Variants in KIF5C observed in about 807,000 individuals in gnomAD.
The protein encoded by KIF5C is kinesin heavy chain isoform 5C.
Under a neutral mutation model 125.2 loss-of-function variants are expected in KIF5C, and 18 were observed. The ratio of observed to expected loss-of-function variants is 0.14; its 90% confidence interval spans 0.10 to 0.21. The LOEUF is 0.21. Among genes scored for constraint, KIF5C ranks in the 10% least tolerant of loss-of-function variants. The pLI, the probability that KIF5C is intolerant of heterozygous loss-of-function variation, is 1.00. For missense variants in KIF5C, 780 were observed against 1,183.8 expected, an observed-to-expected ratio of 0.66 and a Z score of 5.01; for synonymous variants, 405 against 434.0, an observed-to-expected ratio of 0.93 and a Z score of 0.83.
At chr2:148,888,175 C>G (rs1420171371) in intron 1 of KIF5C, 1 of 152,218 alleles carries the variant, frequency 6.6e-6, no homozygotes, top group African/African-American at 2.4e-5. Context: ...CCCCAGTCGC[C>G]GGCCCCGGGA....
At chr2:148,944,639 T>A (rs960878847) in intron 7 of KIF5C, among the ~76,000 whole-genome samples, 2 of 152,226 alleles carry the variant, frequency 1.3e-5, no homozygotes, top group African/African-American at 4.8e-5. Flanking sequence ...TGATTTCAAT[T>A]CTTTTGAGTA....
intron 1 of KIF5C, among the ~76,000 whole-genome samples, chr2:148,919,834 G>A (rs895307575): frequency 1.3e-5 from 2 of 152,078 alleles, no homozygotes; most frequent in African/African-American, 2.4e-5. Flanking sequence ...ACTACATAAC[G>A]TGTTAATCCT....
intron 14 of KIF5C, among the ~76,000 whole-genome samples, chr2:148,982,788 T>C (rs1681271490): frequency 6.6e-6 from 1 of 152,244 alleles, no homozygotes; most frequent in Admixed American, 6.5e-5. Flanking sequence ...TTTTTCATAA[T>C]ACAGTTTTTA....
chr2:148,919,346 G>A (rs936642306), intron 1 of KIF5C, among the ~76,000 whole-genome samples: 3 of 152,196 alleles, frequency 2.0e-5, no homozygotes, highest in African/African-American at 7.2e-5. Flanking sequence ...ACCTGGAAGG[G>A]ACTCGTGTCT....
intron 25 of KIF5C, among the ~76,000 whole-genome samples, chr2:149,021,040 T>G (rs1300243530): frequency 6.6e-6 from 1 of 152,160 alleles, no homozygotes; most frequent in African/African-American, 2.4e-5. Flanking sequence ...TATTTTTTCT[T>G]GTCAGTGAAG....
At chr2:148,897,982 G>A (rs1680735368) in intron 1 of KIF5C, among the ~76,000 whole-genome samples, 1 of 150,402 alleles carries the variant, frequency 6.6e-6, no homozygotes, top group Non-Finnish European at 1.5e-5. Context: ...TCCAGGGAGA[G>A]GTGGTGCTGG....
chr2:148,930,950 C>A (rs1407749297), intron 3 of KIF5C, among the ~76,000 whole-genome samples: 5 of 152,176 alleles, frequency 3.3e-5, no homozygotes, highest in African/African-American at 1.2e-4. Context: ...AGGCCCCCGA[C>A]TCTTGACCTT....
In KIF5C at chr2:149,025,700, A is replaced by C. The variant is rs1682668628; in HGVS notation, c.*2630A>C. On this transcript the variant is annotated 3_prime_UTR_variant, in exon 26 of 26. Coordinates refer to ENST00000435030, the MANE Select transcript of KIF5C (RefSeq NM_004522.3). ...AGAGAACAGCCAGATGGTTTATATG[A>C]ATAATCTTTATCTGCAGGATGGTGG... The C allele has an allele frequency of 6.6e-6, 1 of 152,240 alleles. No homozygotes were observed. The highest frequency in any genetic ancestry group is 6.5e-5 in the Admixed American group (1 of 15,286). 9.4% of individuals were successfully genotyped at this position (152,240 alleles called of 1,614,324 possible).
At chr2:149,008,987 T>A (rs1301040134) in intron 23 of KIF5C, among the ~76,000 whole-genome samples, 1 of 149,076 alleles carries the variant, frequency 6.7e-6, no homozygotes, top group Non-Finnish European at 1.5e-5. Flanking sequence ...TTGTTTTTTT[T>A]AATGTTTTTT....
intron 1 of KIF5C, among the ~76,000 whole-genome samples, chr2:148,918,514 T>G (rs944871931): frequency 1.3e-5 from 2 of 152,196 alleles, no homozygotes; most frequent in African/African-American, 2.4e-5. Context: ...CCTAGGACCA[T>G]GAAAACTTTC....
At chr2:148,953,490 C>T (rs1046976614) in intron 10 of KIF5C, among the ~76,000 whole-genome samples, 1 of 152,216 alleles carries the variant, frequency 6.6e-6, no homozygotes, top group Non-Finnish European at 1.5e-5. Context: ...CCCAATTATA[C>T]AGCAGACACA....
At chr2:148,921,241 C>T (rs962071233) in intron 1 of KIF5C, among the ~76,000 whole-genome samples, 27 of 152,314 alleles carry the variant, frequency 1.8e-4, no homozygotes, top group African/African-American at 5.8e-4. Context: ...GAAACACACA[C>T]ATTTGAGCAT....
At position 148,910,659 on chromosome 2, in the gene KIF5C, T is replaced by C. The variant is rs901581930; in HGVS notation, c.127-11478T>C. On this transcript the variant is annotated intron_variant, in intron 1 of 25. Transcript: ENST00000435030. Reference sequence around the variant, plus strand: ...GTAGAGAAGGACATTCCTGTGGGGATTGGTAGGTCTGCTGTTGCACTAGGG... The same window carrying C: ...GTAGAGAAGGACATTCCTGTGGGGACTGGTAGGTCTGCTGTTGCACTAGGG... Among the ~76,000 whole-genome samples the C allele has an allele frequency of 5.3e-5, 8 of 152,226 alleles. No individual in the cohort carries two copies. The East Asian group carries it at 5.8e-4, about 11-fold the overall frequency.
intron 1 of KIF5C, among the ~76,000 whole-genome samples, chr2:148,899,265 T>C (rs1299029930): frequency 6.6e-6 from 1 of 152,240 alleles, no homozygotes; most frequent in Non-Finnish European, 1.5e-5. Flanking sequence ...GTTTCAAGAC[T>C]ACTTGCTGCT....
chr2:148,926,705 C>T lies in KIF5C; in HGVS notation c.218-2576C>T, dbSNP rs1386391015. 2.0e-5 allele frequency among the ~76,000 whole-genome samples: 3 copies of T among 152,278 alleles called. No homozygotes were observed. In the East Asian group the frequency reaches 5.8e-4, roughly 29 times the overall value. Reference sequence around the variant, plus strand: ...AAACATAGACTGAGCAAACAAACAACAAACAGAAAAGAAGCCCCCAAAACC... The same window carrying T: ...AAACATAGACTGAGCAAACAAACAATAAACAGAAAAGAAGCCCCCAAAACC... On this transcript the variant is annotated intron_variant, in intron 2 of 25. Transcript: ENST00000435030.
intron 2 of KIF5C, among the ~76,000 whole-genome samples, chr2:148,926,830 C>G (rs548459840): frequency 2.4e-4 from 36 of 152,324 alleles, no homozygotes; most frequent in Non-Finnish European, 4.4e-4. Flanking sequence ...GACGTCGGCT[C>G]CCTTCGACCT....
At position 149,026,112 on chromosome 2, in the gene KIF5C, T is replaced by G. The variant is rs1270767232; in HGVS notation, c.*3042T>G. 3 of 152,676 alleles carry G rather than the reference T, an allele frequency of 2.0e-5. No individual in the cohort carries two copies. The East Asian group carries it at 5.8e-4, about 29-fold the overall frequency. The allele number at this position is 152,676 out of a possible 1,614,324, so 9.5% of individuals were successfully genotyped here. On this transcript the variant is annotated 3_prime_UTR_variant, in exon 26 of 26. Transcript: ENST00000435030. ...TTCTTAACAATCCCCTCTTTCGAAG[T>G]GCATTTTTTTAAAGCAGGGCAGGAG...
Position 148,952,770 on chromosome 2 carries a change from T to C in KIF5C, c.968+2308T>C, listed in dbSNP as rs763557630. On this transcript the variant is annotated intron_variant, in intron 10 of 25. Transcript: ENST00000435030. ...AGGATTATATGAGTTGCTTCAGTTT[T>C]TACCTAGCACAAGGGCTGGCATGAG... Among the ~76,000 whole-genome samples, 7 of 152,312 alleles carry C rather than the reference T, an allele frequency of 4.6e-5. No individual in the cohort carries two copies. In the East Asian group the frequency reaches 1.2e-3, roughly 25 times the overall value.
intron 15 of KIF5C, among the ~76,000 whole-genome samples, chr2:148,987,789 A>C (rs1681421620): frequency 6.6e-6 from 1 of 152,186 alleles, no homozygotes; most frequent in South Asian, 2.1e-4. Flanking sequence ...AATGAACTGA[A>C]TTGGACTGGC....
Sources: gnomAD v4.1 joint callset for allele counts (sites outside exome capture counted in the v4.1 genomes callset) on GRCh38, gnomAD v4.1.1 for gene constraint, MANE v1.5 for transcripts, NCBI Gene and HGNC (gene_info 2026-07-23, HGNC 2026-07-21) for gene names.